Variants in ATP9B observed in about 807,000 individuals in gnomAD.
The protein encoded by ATP9B is probable phospholipid-transporting ATPase IIB.
ATP9B carries 110 observed loss-of-function variants against 146.1 expected under a neutral mutation model. The ratio of observed to expected loss-of-function variants is 0.75; its 90% CI spans 0.65 to 0.88. The LOEUF is 0.88. ATP9B is among the 40% of genes least tolerant of loss of function. The probability of loss-of-function intolerance (pLI) is 0.00; values close to 1 mark genes in which losing one functional copy is unlikely to be tolerated. For missense variants in ATP9B, 1,499 were observed against 1,496.4 expected, an observed-to-expected ratio of 1.00 and a Z score of -0.03; for synonymous variants, 604 against 569.7, an observed-to-expected ratio of 1.06 and a Z score of -0.86.
At chr18:79,362,277 GC>G (rs2096994293) in intron 26 of ATP9B, 1 of 152,080 alleles carries the variant, frequency 6.6e-6, no homozygotes, top group African/African-American at 2.4e-5. Context: ...TAATGAGTTA[GC>G]CAACCTCAAG....
chr18:79,347,446 G>A (rs531794452), intron 23 of ATP9B, among the ~76,000 whole-genome samples: 3 of 152,010 alleles, frequency 2.0e-5, no homozygotes, highest in South Asian at 2.1e-4. Context: ...CCGACAGGGC[G>A]GGCCCACACT....
At chr18:79,194,039 G>A (rs1393123160) in intron 9 of ATP9B, among the ~76,000 whole-genome samples, 1 of 152,160 alleles carries the variant, frequency 6.6e-6, no homozygotes, top group Non-Finnish European at 1.5e-5. Flanking sequence ...GTCCCTTGGG[G>A]CACTGGGCCT....
At chr18:79,325,801 G>C (rs1427373952) in intron 15 of ATP9B, among the ~76,000 whole-genome samples, 1 of 152,302 alleles carries the variant, frequency 6.6e-6, no homozygotes, top group South Asian at 2.1e-4. Context: ...TCCAGAGCCA[G>C]AAGAGACATG....
chr18:79,207,762 C>G (rs972506696), intron 10 of ATP9B, among the ~76,000 whole-genome samples: 1 of 151,910 alleles, frequency 6.6e-6, no homozygotes. Context: ...CACTCACTCC[C>G]CCATGCATGT....
intron 9 of ATP9B, among the ~76,000 whole-genome samples, chr18:79,200,779 A>AGGTGGAGGTGGGAACGTTGGGGTCAG (rs2095475928): frequency 4.2e-4 from 12 of 28,488 alleles, no homozygotes; most frequent in African/African-American, 1.1e-3. Context: ...GTCAGAGCAG[A>AGGTGGAGGTGGGAACGTTGGGGTCAG]AGTAGTGGTG....
At chr18:79,187,441 C>T (rs535401394) in intron 8 of ATP9B, among the ~76,000 whole-genome samples, 1 of 152,312 alleles carries the variant, frequency 6.6e-6, no homozygotes, top group Admixed American at 6.5e-5. Context: ...CTTTCGCATG[C>T]TCTGCTGGCC....
chr18:79,229,604 G>C (rs2095770252), intron 11 of ATP9B, among the ~76,000 whole-genome samples: 2 of 152,164 alleles, frequency 1.3e-5, no homozygotes, highest in African/African-American at 4.8e-5. Flanking sequence ...GCAGATGATG[G>C]TGTGTTTCCA....
At chr18:79,118,696 G>A (rs777559559) in intron 4 of ATP9B, among the ~76,000 whole-genome samples, 4 of 151,786 alleles carry the variant, frequency 2.6e-5, no homozygotes, top group Non-Finnish European at 4.4e-5. Context: ...CACCGTGCCC[G>A]GCCAATTATA....
intron 4 of ATP9B, among the ~76,000 whole-genome samples, chr18:79,121,484 T>G (rs2094188719): frequency 1.3e-5 from 2 of 152,190 alleles, no homozygotes; most frequent in African/African-American, 4.8e-5. Context: ...CTTACTCCAG[T>G]CCTCCATAAA....
Position 79,329,442 on chromosome 18 carries a change from T to A in ATP9B, c.1935+140T>A, listed in dbSNP as rs529078605. On this transcript the variant is annotated intron_variant, in intron 16 of 29. Coordinates refer to ENST00000426216, the MANE Select transcript of ATP9B (RefSeq NM_198531.5). ...TACAGTTTTGTTTGTTTTTTTTTTT[T>A]AATGAAATCTAAGCTAATAATCTAT... 1.5e-5 allele frequency: 15 copies of A among 983,286 alleles called. No homozygotes were observed. In the South Asian group the frequency reaches 1.5e-4, roughly 10 times the overall value. The allele number at this position is 983,286 out of a possible 1,614,324, so 60.9% of individuals were successfully genotyped here.
chr18:79,133,508 AACAC>A (rs370697424), intron 5 of ATP9B, among the ~76,000 whole-genome samples: 1,525 of 147,844 alleles, frequency 0.01, 16 homozygotes, highest in African/African-American at 0.03. Context: ...AGTGGTTATA[AACAC>A]ACACACACAC....
intron 11 of ATP9B, among the ~76,000 whole-genome samples, chr18:79,235,122 C>A (rs1405684483): frequency 6.6e-6 from 1 of 152,194 alleles, no homozygotes; most frequent in Admixed American, 6.5e-5. Context: ...ATCTGCCCAC[C>A]TCAGCTTCCC....
chr18:79,322,737 A>G (rs1352494428), intron 15 of ATP9B, among the ~76,000 whole-genome samples: 1 of 152,176 alleles, frequency 6.6e-6, no homozygotes, highest in Non-Finnish European at 1.5e-5. Context: ...TGCTAATTTC[A>G]TTTATTTTCA....
rs1255811499 is a variant in ATP9B at position 79,143,872 on chromosome 18, T to C, written c.726+12T>C. On this transcript the variant is annotated intron_variant, in intron 6 of 29. Coordinates refer to ENST00000426216, the MANE Select transcript of ATP9B (RefSeq NM_198531.5). ...TCATAGTGGAAAAGGTTGATGATTT[T>C]TTAATATATTTTAGACCTATGTATG... The C allele has an allele frequency of 1.3e-6, 2 of 1,532,772 alleles. No individual in the cohort carries two copies. The highest frequency in any genetic ancestry group is 1.8e-6 in the Non-Finnish European group (2 of 1,126,292). The allele number at this position is 1,532,772 out of a possible 1,614,324, so 94.9% of individuals were successfully genotyped here.
intron 12 of ATP9B, among the ~76,000 whole-genome samples, chr18:79,258,765 C>G (rs2096110760): frequency 6.6e-6 from 1 of 152,210 alleles, no homozygotes; most frequent in African/African-American, 2.4e-5. Context: ...TCCAGAACAT[C>G]TCACACCCAC....
intron 8 of ATP9B, among the ~76,000 whole-genome samples, chr18:79,189,261 C>T (rs895769351): frequency 6.6e-6 from 1 of 152,040 alleles, no homozygotes; most frequent in Non-Finnish European, 1.5e-5. Flanking sequence ...GCCAGAGAAT[C>T]GCTTGAACCT....
chr18:79,288,552 T>G (rs1445594728), intron 13 of ATP9B, among the ~76,000 whole-genome samples: 1 of 151,908 alleles, frequency 6.6e-6, no homozygotes, highest in Non-Finnish European at 1.5e-5. Context: ...CACTGATGGG[T>G]CTTGACTCTT....
intron 5 of ATP9B, among the ~76,000 whole-genome samples, chr18:79,141,265 T>C (rs141360099): frequency 1.3e-5 from 2 of 152,304 alleles, no homozygotes; most frequent in East Asian, 1.9e-4. Flanking sequence ...CGTGTTTGCT[T>C]TCCCTTCACC....
intron 12 of ATP9B, among the ~76,000 whole-genome samples, chr18:79,263,575 C>G (rs1341865960): frequency 6.6e-6 from 1 of 152,160 alleles, no homozygotes; most frequent in Non-Finnish European, 1.5e-5. Context: ...TTGTCTTATT[C>G]CTTTTGTTTT....
Sources: allele counts gnomAD v4.1 joint callset (sites outside exome capture counted in the v4.1 genomes callset), GRCh38; gene constraint gnomAD v4.1.1; transcripts MANE v1.5; gene names NCBI Gene and HGNC (gene_info 2026-07-23, HGNC 2026-07-21).